MDFIC2: variants seen among roughly 807,000 people sequenced by gnomAD.
The protein encoded by MDFIC2 is myoD family inhibitor domain-containing protein 2.
intron 2 of MDFIC2, among the ~76,000 whole-genome samples, chr3:70,247,806 A>G (rs2106647935): frequency 6.6e-6 from 1 of 152,128 alleles, no homozygotes; most frequent in Admixed American, 6.6e-5. Context: ...TTTCAAACAC[A>G]CAAAATAGGG....
intron 2 of MDFIC2, among the ~76,000 whole-genome samples, chr3:70,280,893 G>C (rs1702076166): frequency 6.6e-6 from 1 of 152,122 alleles, no homozygotes; most frequent in Non-Finnish European, 1.5e-5. Context: ...AATCTAAACA[G>C]ATAGGACTTG....
intron 2 of MDFIC2, among the ~76,000 whole-genome samples, chr3:70,244,429 TA>T (rs1343983444): frequency 3.3e-5 from 5 of 152,220 alleles, no homozygotes; most frequent in East Asian, 1.9e-4. Flanking sequence ...AAATATCAAT[TA>T]AAATAACATG....
intron 2 of MDFIC2, among the ~76,000 whole-genome samples, chr3:70,225,692 T>C (rs1329685664): frequency 6.6e-6 from 1 of 152,234 alleles, no homozygotes; most frequent in Non-Finnish European, 1.5e-5. Context: ...TTAGTGTTTC[T>C]TGAACACCCC....
intron 2 of MDFIC2, among the ~76,000 whole-genome samples, chr3:70,207,587 A>C (rs1701304680): frequency 6.6e-6 from 1 of 152,056 alleles, no homozygotes; most frequent in Non-Finnish European, 1.5e-5. Context: ...TCACATCCCC[A>C]ATACAACAAA....
At chr3:70,243,196 G>A (rs924056738) in intron 2 of MDFIC2, among the ~76,000 whole-genome samples, 5 of 152,090 alleles carry the variant, frequency 3.3e-5, no homozygotes, top group Admixed American at 2.6e-4. Flanking sequence ...TCTTGTTAAG[G>A]TCTGTTGAGG....
At chr3:70,208,035 A>T (rs1383479903) in intron 2 of MDFIC2, among the ~76,000 whole-genome samples, 1 of 152,074 alleles carries the variant, frequency 6.6e-6, no homozygotes, top group Non-Finnish European at 1.5e-5. Context: ...AAGTTACAGG[A>T]TTGAGAAGTG....
intron 2 of MDFIC2, among the ~76,000 whole-genome samples, chr3:70,308,377 A>T (rs1184899450): frequency 6.6e-6 from 1 of 152,128 alleles, no homozygotes; most frequent in Non-Finnish European, 1.5e-5. Context: ...TTTTTAAATC[A>T]TGCCTTGTTT....
At chr3:70,265,893 C>T (rs1701912649) in intron 2 of MDFIC2, among the ~76,000 whole-genome samples, 1 of 152,152 alleles carries the variant, frequency 6.6e-6, no homozygotes, top group Admixed American at 6.5e-5. Flanking sequence ...CACTCCCTGT[C>T]ACGAGAACGG....
intron 3 of MDFIC2, chr3:70,205,452 T>G (rs1489983735): frequency 6.6e-6 from 1 of 152,130 alleles, no homozygotes; most frequent in Non-Finnish European, 1.5e-5. Flanking sequence ...ACATAATATA[T>G]GATAGAAATC....
intron 2 of MDFIC2, among the ~76,000 whole-genome samples, chr3:70,264,375 T>C (rs902194891): frequency 7.2e-5 from 11 of 152,228 alleles, no homozygotes; most frequent in Admixed American, 1.3e-4. Flanking sequence ...AGAGTGGATT[T>C]ATTTTTAGAG....
At chr3:70,238,065 C>CTTTATA (rs1701629877) in intron 2 of MDFIC2, among the ~76,000 whole-genome samples, 1 of 126,936 alleles carries the variant, frequency 7.9e-6, no homozygotes, top group African/African-American at 3.1e-5. Flanking sequence ...CGAACCTATT[C>CTTTATA]TTTATACCTT....
intron 2 of MDFIC2, among the ~76,000 whole-genome samples, chr3:70,214,412 G>A (rs1419343797): frequency 6.6e-6 from 1 of 151,982 alleles, no homozygotes; most frequent in Non-Finnish European, 1.5e-5. Flanking sequence ...TTTTCAATCA[G>A]GCTTGGTAAA....
At chr3:70,227,502 A>G (rs770529632) in intron 2 of MDFIC2, among the ~76,000 whole-genome samples, 7 of 152,206 alleles carry the variant, frequency 4.6e-5, no homozygotes, top group Admixed American at 2.0e-4. Context: ...TGCTAGAACA[A>G]TTTCGATAGA....
intron 2 of MDFIC2, chr3:70,292,018 T>C (rs1559555919): frequency 1.3e-5 from 2 of 152,240 alleles, no homozygotes; most frequent in African/African-American, 4.8e-5. Context: ...GTTTCAAAGC[T>C]GAATAAATAG....
At chr3:70,238,007 C>CTTTTTTTTTTTTTTTTTT (rs1701628969) in intron 2 of MDFIC2, among the ~76,000 whole-genome samples, 1 of 8,620 alleles carries the variant, frequency 1.2e-4, no homozygotes, top group Non-Finnish European at 2.5e-4. Flanking sequence ...TTTTTTTTTG[C>CTTTTTTTTTTTTTTTTTT]CTGTCCAGGA....
chr3:70,250,458 A>G (rs1351314491), intron 2 of MDFIC2, among the ~76,000 whole-genome samples: 1 of 148,466 alleles, frequency 6.7e-6, no homozygotes, highest in Admixed American at 6.7e-5. Context: ...CACAAACACA[A>G]ACCTCAGAAT....
chr3:70,292,617 T>A (rs1702249426), intron 2 of MDFIC2, among the ~76,000 whole-genome samples: 1 of 152,088 alleles, frequency 6.6e-6, no homozygotes, highest in Admixed American at 6.6e-5. Context: ...TTGGATGAGT[T>A]TTTCTCTATG....
At position 70,234,752 on chromosome 3, in the gene MDFIC2, A is replaced by G. The variant is rs115624801; in HGVS notation, c.89-27962T>C. Reference sequence around the variant, plus strand: ...ATCTTTGTGATCTACTCACAGACCAACTTTTCTATTTCGTCCCTCACTTCT... The same window carrying G: ...ATCTTTGTGATCTACTCACAGACCAGCTTTTCTATTTCGTCCCTCACTTCT... On this transcript the variant is annotated intron_variant, in intron 2 of 3. Coordinates refer to ENST00000567252, the MANE Select transcript of MDFIC2 (RefSeq NM_001364677.1). Among the ~76,000 whole-genome samples the G allele has an allele frequency of 9.9e-3, 1,513 of 152,268 alleles. 14 individuals are homozygous for G. The highest frequency in any genetic ancestry group is 0.033 in the African/African-American group (1,379 of 41,552).
intron 2 of MDFIC2, among the ~76,000 whole-genome samples, chr3:70,225,064 T>G (rs765810125): frequency 2.0e-5 from 3 of 152,202 alleles, no homozygotes; most frequent in Non-Finnish European, 4.4e-5. Flanking sequence ...CTAATATATC[T>G]TGGGTGTTGG....
Sources: gnomAD v4.1 joint callset for allele counts (sites outside exome capture counted in the v4.1 genomes callset) on GRCh38, gnomAD v4.1.1 for gene constraint, MANE v1.5 for transcripts, NCBI Gene and HGNC (gene_info 2026-07-23, HGNC 2026-07-21) for gene names.